CFAP20DC: variants seen among roughly 807,000 people sequenced by gnomAD.
CFAP20DC encodes CFAP20 domain containing.
Under a neutral mutation model 101.7 loss-of-function variants are expected in CFAP20DC, and 84 were observed. The observed-to-expected ratio is 0.83, with a 90% confidence interval of 0.69 to 0.99. The LOEUF is 0.99. CFAP20DC is among the 50% of genes least tolerant of loss of function. The probability of loss-of-function intolerance (pLI) is 0.00; values close to 1 mark genes in which losing one functional copy is unlikely to be tolerated. For missense variants in CFAP20DC, 1,007 were observed against 970.3 expected, an observed-to-expected ratio of 1.04 and a Z score of -0.50; for synonymous variants, 359 against 351.2, an observed-to-expected ratio of 1.02 and a Z score of -0.25.
At chr3:58,945,497 T>C (rs907027418) in intron 4 of CFAP20DC, among the ~76,000 whole-genome samples, 2 of 152,154 alleles carry the variant, frequency 1.3e-5, no homozygotes, top group African/African-American at 4.8e-5. Context: ...ATCTTACAAC[T>C]AAAATTTTGG....
At chr3:58,932,032 T>A (rs2086776943) in intron 5 of CFAP20DC, among the ~76,000 whole-genome samples, 1 of 152,050 alleles carries the variant, frequency 6.6e-6, no homozygotes, top group African/African-American at 2.4e-5. Flanking sequence ...GGAAAAAAAT[T>A]TAGACGAATG....
intron 6 of CFAP20DC, among the ~76,000 whole-genome samples, chr3:58,901,660 T>C (rs2083157432): frequency 6.6e-6 from 1 of 152,174 alleles, no homozygotes; most frequent in Non-Finnish European, 1.5e-5. Context: ...ACAAAAGGTT[T>C]TGATGTCTGA....
intron 4 of CFAP20DC, among the ~76,000 whole-genome samples, chr3:58,974,163 C>T (rs942372195): frequency 6.6e-6 from 1 of 152,038 alleles, no homozygotes; most frequent in Non-Finnish European, 1.5e-5. Context: ...GGGTGAGTTG[C>T]GTGTCACTGA....
intron 6 of CFAP20DC, among the ~76,000 whole-genome samples, chr3:58,900,082 G>A (rs1043818574): frequency 2.0e-5 from 3 of 152,208 alleles, no homozygotes; most frequent in African/African-American, 7.2e-5. Flanking sequence ...AGTCATAAAA[G>A]ATAAGTAGAA....
At chr3:58,776,415 C>T (rs114924705) in intron 15 of CFAP20DC, among the ~76,000 whole-genome samples, 1,701 of 152,108 alleles carry the variant, frequency 0.011, 40 homozygotes, top group African/African-American at 0.038. Flanking sequence ...CTGAAGACAA[C>T]GTGAGACCCT....
intron 4 of CFAP20DC, among the ~76,000 whole-genome samples, chr3:58,963,640 T>G (rs1420863032): frequency 1.3e-5 from 2 of 152,184 alleles, no homozygotes; most frequent in Non-Finnish European, 2.9e-5. Context: ...CCTTCCAGAA[T>G]TTTTAAGATA....
intron 12 of CFAP20DC, among the ~76,000 whole-genome samples, chr3:58,853,585 A>G (rs1326959013): frequency 6.6e-6 from 1 of 152,036 alleles, no homozygotes; most frequent in Non-Finnish European, 1.5e-5. Context: ...AAAATCCTCA[A>G]TAAAATACTG....
intron 5 of CFAP20DC, among the ~76,000 whole-genome samples, chr3:58,919,070 C>T (rs1421143805): frequency 6.6e-6 from 1 of 152,114 alleles, no homozygotes; most frequent in East Asian, 1.9e-4. Flanking sequence ...TTTAATTGCC[C>T]CAGACAGATC....
intron 15 of CFAP20DC, among the ~76,000 whole-genome samples, chr3:58,755,767 A>C (rs1434814974): frequency 2.6e-5 from 4 of 152,154 alleles, no homozygotes; most frequent in Admixed American, 2.6e-4. Flanking sequence ...CCCACCTTTA[A>C]CATTTTATCA....
chr3:58,741,210 T>TA (rs1419541468), downstream of CFAP20DC, among the ~76,000 whole-genome samples: 1 of 152,196 alleles, frequency 6.6e-6, no homozygotes, highest in African/African-American at 2.4e-5. Context: ...ATATGCCAGC[T>TA]AATATAATAA....
At chr3:58,986,740 T>C (rs190572733) in intron 4 of CFAP20DC, among the ~76,000 whole-genome samples, 5 of 152,076 alleles carry the variant, frequency 3.3e-5, no homozygotes, top group South Asian at 4.1e-4. Context: ...GACGTACCCT[T>C]TGAATAAAAT....
intron 4 of CFAP20DC, among the ~76,000 whole-genome samples, chr3:59,004,652 T>C (rs1004478423): frequency 4.6e-5 from 7 of 152,260 alleles, no homozygotes; most frequent in African/African-American, 1.7e-4. Flanking sequence ...CTTGATTCTC[T>C]TGAGAAATCT....
At chr3:58,955,588 T>C (rs569971135) in intron 4 of CFAP20DC, among the ~76,000 whole-genome samples, 129 of 152,210 alleles carry the variant, frequency 8.5e-4, no homozygotes, top group African/African-American at 3.0e-3. Flanking sequence ...CTAGCCACCA[T>C]GGACTAAAGT....
In CFAP20DC at chr3:58,800,989, G is replaced by A. The variant is rs189524584; in HGVS notation, c.2237+5406C>T. Among the ~76,000 whole-genome samples, 11 of 134,622 alleles carry A rather than the reference G, an allele frequency of 8.2e-5. No homozygotes were observed. In the East Asian group the frequency reaches 2.5e-3, roughly 31 times the overall value. The allele number at this position is 134,622 out of a possible 152,430, so 88.3% of individuals were successfully genotyped here. On this transcript the variant is annotated intron_variant, in intron 15 of 16. Transcript: ENST00000482387. ...CAACTCAAATACTGAAAAAACTCCT[G>A]CCCTTGACAGGCGTGTGTTGAATAA...
chr3:58,847,343 A>C (rs2077757745), intron 13 of CFAP20DC, among the ~76,000 whole-genome samples: 1 of 150,962 alleles, frequency 6.6e-6, no homozygotes. Flanking sequence ...ACCCCATCAA[A>C]AAGTGGGTGA....
intron 6 of CFAP20DC, among the ~76,000 whole-genome samples, chr3:58,896,080 T>G (rs2082648669): frequency 6.6e-6 from 1 of 152,190 alleles, no homozygotes; most frequent in South Asian, 2.1e-4. Flanking sequence ...AACTTGTTAT[T>G]CGCCTGTTCA....
chr3:58,956,207 G>A (rs921202576), intron 4 of CFAP20DC, among the ~76,000 whole-genome samples: 6 of 151,806 alleles, frequency 4.0e-5, no homozygotes, highest in Non-Finnish European at 8.8e-5. Context: ...CTACAAGGGG[G>A]AAGAGCACCA....
chr3:58,964,588 T>G lies in CFAP20DC; in HGVS notation c.279-26826A>C, dbSNP rs1171563198. On this transcript the variant is annotated intron_variant, in intron 4 of 16. Coordinates refer to ENST00000482387, the MANE Select transcript of CFAP20DC (RefSeq NM_001394063.1). The surrounding 1 kb of genome is among the most constrained non-coding windows in gnomAD (Gnocchi z 4.1). Reference sequence around the variant, plus strand: ...GTAATCCCCTTTTTAAGAAATAAAGTTCTCTTTTCTAGACTTATAAATGCT... The same window carrying G: ...GTAATCCCCTTTTTAAGAAATAAAGGTCTCTTTTCTAGACTTATAAATGCT... Among the ~76,000 whole-genome samples, 3 of 152,126 alleles carry G rather than the reference T, an allele frequency of 2.0e-5. No individual in the cohort carries two copies. Among genetic ancestry groups the G allele is most frequent in the Non-Finnish European group, 4.4e-5 (3 of 68,030 alleles).
At position 59,049,918 on chromosome 3, in the gene CFAP20DC, T is replaced by C. The variant is rs549965019; in HGVS notation, c.-287A>G. 190 of 492,130 alleles carry C rather than the reference T, an allele frequency of 3.9e-4. 4 individuals carry two copies. In the South Asian group the frequency reaches 5.0e-3, roughly 13 times the overall value. 30.5% of individuals were successfully genotyped at this position (492,130 alleles called of 1,614,324 possible). ...ACTCCGGGCCGTCCCTGGGGAGTGA[T>C]TGTGTGTGTAACCTACGTGACGGGG... On this transcript the variant is annotated 5_prime_UTR_variant, in exon 1 of 17. Transcript: ENST00000482387.
Sources: gnomAD v4.1 joint callset for allele counts (sites outside exome capture counted in the v4.1 genomes callset) on GRCh38, gnomAD v4.1.1 for gene constraint, Gnocchi (gnomAD v3.1) non-coding constraint, MANE v1.5 for transcripts, NCBI Gene and HGNC (gene_info 2026-07-23, HGNC 2026-07-21) for gene names.